The following LMO1 variants were observed in gnomAD, a reference collection of about 807,000 sequenced individuals.
LMO1 encodes the protein LIM domain only 1, also known as rhombotin-1.
A neutral mutation model predicts 18.0 loss-of-function variants in LMO1; 10 were observed. That is an observed-to-expected ratio of 0.55 (90% confidence interval 0.34 to 0.94). LMO1 has a LOEUF of 0.94. Among genes scored for constraint, LMO1 ranks in the 40% least tolerant of loss-of-function variants. The pLI is 0.02. For synonymous variants in LMO1, 77 were observed against 77.9 expected, an observed-to-expected ratio of 0.99 and a Z score of 0.06; for missense variants, 183 against 205.7, an observed-to-expected ratio of 0.89 and a Z score of 0.68.
At chr11:8,237,814 G>A (rs566490331) in intron 1 of LMO1, among the ~76,000 whole-genome samples, 2 of 152,358 alleles carry the variant, frequency 1.3e-5, no homozygotes, top group South Asian at 2.1e-4. Flanking sequence ...AAGAGGTGGG[G>A]TAGTGTAGGC....
chr11:8,234,100 A>G (rs1952719116), intron 1 of LMO1, among the ~76,000 whole-genome samples: 1 of 152,164 alleles, frequency 6.6e-6, no homozygotes, highest in Non-Finnish European at 1.5e-5. Flanking sequence ...GGTCACCCCT[A>G]AGTCTCAGGA....
At position 8,252,925 on chromosome 11, in the gene LMO1, G is replaced by A. The variant is rs528100914; in HGVS notation, c.25+10413C>T. ...AATGTGTGTTGGAATGTGTTACGCA[G>A]CTGTAGATAATTAATACACTGCCAC... On this transcript the variant is annotated intron_variant, in intron 1 of 3. Transcript: ENST00000335790. Among the ~76,000 whole-genome samples, 13 of 152,380 alleles carry A rather than the reference G, an allele frequency of 8.5e-5. No individual in the cohort carries two copies. The South Asian group carries it at 2.7e-3, about 32-fold the overall frequency.
At chr11:8,239,951 G>A (rs1846756527) in intron 1 of LMO1, among the ~76,000 whole-genome samples, 1 of 152,210 alleles carries the variant, frequency 6.6e-6, no homozygotes, top group Non-Finnish European at 1.5e-5. Flanking sequence ...TCATGACCCT[G>A]AGTGCAGAGA....
chr11:8,242,668 G>A (rs1161471222), intron 1 of LMO1, among the ~76,000 whole-genome samples: 1 of 152,186 alleles, frequency 6.6e-6, no homozygotes, highest in Non-Finnish European at 1.5e-5. Context: ...GTGTTCCCCT[G>A]ACGGCAACTC....
chr11:8,268,509 C>G, upstream of LMO1: 1 of 1,317,760 alleles, frequency 7.6e-7, no homozygotes, highest in Non-Finnish European at 9.7e-7. Flanking sequence ...GGCTCCGACT[C>G]CCGCCGCCGG....
intron 1 of LMO1, among the ~76,000 whole-genome samples, chr11:8,251,444 C>T (rs1328339787): frequency 1.3e-5 from 2 of 152,218 alleles, no homozygotes; most frequent in Non-Finnish European, 1.5e-5. Flanking sequence ...CCCGTAACAG[C>T]CAGGAAAGAA....
chr11:8,252,426 G>A (rs7949134), intron 1 of LMO1, among the ~76,000 whole-genome samples: 129,860 of 152,218 alleles, frequency 0.85, 55,993 homozygotes, highest in Non-Finnish European at 0.92. Context: ...CACCTTCTAA[G>A]ATGGTCCCCA....
At position 8,263,320 on chromosome 11, in the gene LMO1, C is replaced by T; in HGVS notation, c.25+18G>A. On this transcript the variant is annotated intron_variant, in intron 1 of 3. Transcript: ENST00000335790. ...GGCGAGGGGGTGAGGGGCGTCGAGA[C>T]CCCGGCCCGCCACCTACCGTCCTCC... 1 of 1,597,226 alleles carries T rather than the reference C, an allele frequency of 6.3e-7. No homozygotes were observed.
intron 1 of LMO1, among the ~76,000 whole-genome samples, chr11:8,257,344 C>T (rs191102049): frequency 5.9e-5 from 9 of 152,296 alleles, no homozygotes; most frequent in African/African-American, 2.2e-4. Flanking sequence ...GGGACACATG[C>T]CATAGGAACC....
rs145019310 is a variant in LMO1 at position 8,263,742 on chromosome 11, T to A, written c.-380A>T. ...TTGCATTTGATAGCTCATAACCCTG[T>A]CTCTGGCAACGACACAGCTTTCAGC... On this transcript the variant is annotated 5_prime_UTR_variant, in exon 1 of 4. Coordinates refer to ENST00000335790, the MANE Select transcript of LMO1 (RefSeq NM_002315.3). 1.8e-6 allele frequency: 2 copies of A among 1,097,374 alleles called. No individual in the cohort carries two copies. The highest frequency in any genetic ancestry group is 3.2e-5 in the African/African-American group (2 of 62,096). The allele number at this position is 1,097,374 out of a possible 1,614,324, so 68.0% of individuals were successfully genotyped here.
chr11:8,256,342 C>A (rs1401020070), intron 1 of LMO1, among the ~76,000 whole-genome samples: 1 of 152,190 alleles, frequency 6.6e-6, no homozygotes, highest in Non-Finnish European at 1.5e-5. Context: ...AAAACTGAGG[C>A]CCAGTGCGCT....
At chr11:8,226,338 T>TATAAAA (rs59196160) in intron 3 of LMO1, among the ~76,000 whole-genome samples, 6 of 150,666 alleles carry the variant, frequency 4.0e-5, no homozygotes, top group Non-Finnish European at 7.4e-5. Flanking sequence ...CTACTAAAAA[T>TATAAAA]ATAAAAATAA....
intron 1 of LMO1, among the ~76,000 whole-genome samples, chr11:8,237,399 C>G (rs983192029): frequency 1.3e-5 from 2 of 152,338 alleles, no homozygotes; most frequent in Admixed American, 6.5e-5. Context: ...ACGGACACAT[C>G]CAGCCTTGTG....
chr11:8,225,008 G>T (rs781162255), intron 3 of LMO1, among the ~76,000 whole-genome samples: 37 of 152,104 alleles, frequency 2.4e-4, no homozygotes, highest in Non-Finnish European at 4.9e-4. Context: ...GTTGGTGAGT[G>T]TAGGGTTAGG....
At chr11:8,265,036 T>C (rs542024337), upstream of LMO1, among the ~76,000 whole-genome samples, 6 of 152,330 alleles carry the variant, frequency 3.9e-5, no homozygotes, top group East Asian at 1.2e-3. Context: ...CAAGGAGGGC[T>C]CCAGACAGAT....
At chr11:8,244,484 G>T (rs1281376272) in intron 1 of LMO1, among the ~76,000 whole-genome samples, 1 of 152,234 alleles carries the variant, frequency 6.6e-6, no homozygotes, top group African/African-American at 2.4e-5. Context: ...CAGTATAAAT[G>T]ATTTATTACG....
At chr11:8,240,734 C>T (rs540684706) in intron 1 of LMO1, among the ~76,000 whole-genome samples, 47 of 152,226 alleles carry the variant, frequency 3.1e-4, no homozygotes, top group Middle Eastern at 6.8e-3. Flanking sequence ...CACCCCCAAA[C>T]GGCCCCATCT....
At chr11:8,228,411 T>G (rs1952588412) in intron 2 of LMO1, among the ~76,000 whole-genome samples, 1 of 152,256 alleles carries the variant, frequency 6.6e-6, no homozygotes, top group Non-Finnish European at 1.5e-5. Flanking sequence ...GCAGATGAGC[T>G]TGGCTCCATT....
intron 1 of LMO1, among the ~76,000 whole-genome samples, chr11:8,234,808 C>T (rs1018048791): frequency 6.6e-5 from 10 of 152,168 alleles, no homozygotes; most frequent in Non-Finnish European, 8.8e-5. Context: ...GCTTGTGTCC[C>T]GGGGCCTTCA....
Sources: allele counts gnomAD v4.1 joint callset (sites outside exome capture counted in the v4.1 genomes callset), GRCh38; gene constraint gnomAD v4.1.1; transcripts MANE v1.5; gene names NCBI Gene and HGNC (gene_info 2026-07-23, HGNC 2026-07-21).